ADCY4: variants seen among roughly 807,000 people sequenced by gnomAD.
ADCY4 encodes adenylate cyclase 4.
In ADCY4, 111 loss-of-function variants were observed where a neutral mutation model predicts 125.5. The observed-to-expected ratio is 0.88, with a 90% CI of 0.76 to 1.04. The LOEUF is 1.04. Among genes scored for constraint, ADCY4 ranks in the 50% least tolerant of loss-of-function variants. The probability of loss-of-function intolerance (pLI) is 0.00; values close to 1 mark genes in which losing one functional copy is unlikely to be tolerated. For missense variants in ADCY4, 1,256 were observed against 1,382.9 expected (o/e 0.91, Z 1.46); for synonymous variants, 576 against 586.9 (o/e 0.98, Z 0.27).
chr14:24,326,895 G>GGTTTTTTT (rs1319421096), intron 10 of ADCY4, among the ~76,000 whole-genome samples: 1 of 47,920 alleles, frequency 2.1e-5, no homozygotes, highest in East Asian at 9.5e-4. Flanking sequence ...TACCTGGCTG[G>GGTTTTTTT]ATTTTTTTTT....
In ADCY4 at chr14:24,331,293, C is replaced by T. The variant is rs755358819; in HGVS notation, c.733G>A (p.Ala245Thr). ...GACCCCTGTCCTGCCTGCAGCCGTGCCATGATCTCTGCCTTCATCTCTCGG... is the reference window on the plus strand; with the variant it reads ...GACCCCTGTCCTGCCTGCAGCCGTGTCATGATCTCTGCCTTCATCTCTCGG... ...LAREMKAEIMARLQAGQGSRP... is the reference protein window; with the variant it reads ...LAREMKAEIMTRLQAGQGSRP... The change falls in exon 5 of 25, where the codon GCA becomes ACA. Residue 245 changes from alanine (A) to threonine (T), a missense_variant. Transcript: ENST00000418030. 1.2e-6 allele frequency: 2 copies of T among 1,614,066 alleles called. No individual in the cohort carries two copies. Among genetic ancestry groups the T allele is most frequent in the Admixed American group, 1.7e-5 (1 of 60,016 alleles).
chr14:24,330,287 T>C lies in ADCY4; in HGVS notation c.939A>G (p.Glu313=). 6.2e-7 allele frequency: 1 copy of C among 1,614,102 alleles called. No individual in the cohort carries two copies. The highest frequency in any genetic ancestry group is 8.5e-7 in the Non-Finnish European group (1 of 1,180,010). Residue 313 remains glutamate (E), a synonymous_variant, in exon 7 of 25, where the codon GAA becomes GAG. Coordinates refer to ENST00000418030, the MANE Select transcript of ADCY4 (RefSeq NM_001198568.2). ...GKFDQIAKEH[E]CMRIKILGDC... is the part of the protein sequence containing the mutation. ...CCCCCAGGATCTTGATCCGCATGCA[T>C]TCATGCTCCTGGGAGTGTGTATGTG...
intron 4 of ADCY4, 67 bp from the exon 5 acceptor site, chr14:24,331,423 T>A (rs1365247422): frequency 1.5e-5 from 24 of 1,594,756 alleles, no homozygotes; most frequent in Non-Finnish European, 2.0e-5. Context: ...GTCCCCCAAA[T>A]CACTCAGGAG....
At chr14:24,330,055 C>A (rs2042017097) in intron 7 of ADCY4, 37 bp from the exon 8 acceptor site, 1 of 1,602,274 alleles carries the variant, frequency 6.2e-7, no homozygotes. Context: ...TGAGTCCTAC[C>A]CTCAGCCCTG....
At chr14:24,325,341 G>T in intron 14 of ADCY4, 36 bp downstream of exon 14, 1 of 1,579,844 alleles carries the variant, frequency 6.3e-7, no homozygotes, top group South Asian at 1.1e-5. Context: ...ATCCGCTTAT[G>T]ACAGCCAGGG....
At chr14:24,320,662 G>C (rs1339309798) in intron 20 of ADCY4, among the ~76,000 whole-genome samples, 1 of 152,160 alleles carries the variant, frequency 6.6e-6, no homozygotes, top group African/African-American at 2.4e-5. Context: ...ATATGTGGGT[G>C]AATTTCTGAT....
chr14:24,325,944 C>A (rs376918973), intron 12 of ADCY4, 57 bp from the exon 13 acceptor site: 17 of 1,579,792 alleles, frequency 1.1e-5, no homozygotes, highest in Non-Finnish European at 1.5e-5. Flanking sequence ...CACAGAAGGG[C>A]AGGAAGAGGG....
In ADCY4 at chr14:24,334,543, A is replaced by G. The variant is rs2042103091; in HGVS notation, c.110T>C (p.Val37Ala). The change falls in exon 1 of 25, where the codon GTG becomes GCG. Residue 37 changes from valine to alanine, a missense_variant. Coordinates refer to ENST00000418030, the MANE Select transcript of ADCY4 (RefSeq NM_001198568.2). ...GAGCAGCGCCGCGAGCGCACAGAGC[A>G]CGATCCCCAGCAGCAGCAGCAGCAG... Reference protein sequence around the residue: ...YPLLLLLLGIVLCALAALLAV... With the variant: ...YPLLLLLLGIALCALAALLAV... The G allele has an allele frequency of 1.9e-6, 3 of 1,584,700 alleles. No homozygotes were observed. Among genetic ancestry groups the G allele is most frequent in the Non-Finnish European group, 2.6e-6 (3 of 1,169,914 alleles).
chr14:24,322,373 A>G, intron 19 of ADCY4, 149 bp from the exon 20 acceptor site: 1 of 957,948 alleles, frequency 1.0e-6, no homozygotes, highest in Non-Finnish European at 1.5e-6. Flanking sequence ...ATACTTGGAG[A>G]GAGACTATCC....
Position 24,323,077 on chromosome 14 carries a change from G to A in ADCY4, c.2169C>T (p.His723=). 6.2e-7 allele frequency: 1 copy of A among 1,614,126 alleles called. No individual in the cohort carries two copies. Among genetic ancestry groups the A allele is most frequent in the Non-Finnish European group, 8.5e-7 (1 of 1,180,008 alleles). The part of the protein sequence containing the change: ...LPLISVPYSM[H]CCTLGFLSCS... ...AGGAGAGGAAGCCCAGCGTGCAGCA[G>A]TGCATGGAGTACTGTGGGGCCAGGC... The change falls in exon 18 of 25, where the codon CAC becomes CAT. Residue 723 remains histidine (H), a synonymous_variant. Coordinates refer to ENST00000418030, the MANE Select transcript of ADCY4 (RefSeq NM_001198568.2).
At chr14:24,322,772 C>T in intron 18 of ADCY4, 64 bp from the exon 19 acceptor site, 1 of 1,578,088 alleles carries the variant, frequency 6.3e-7, no homozygotes, top group Non-Finnish European at 8.6e-7. Flanking sequence ...TCCCTGCCCC[C>T]ATGTAGGCCT....
Position 24,322,117 on chromosome 14 carries a change from C to T in ADCY4, c.2535G>A (p.Val845=). ...ENLTRLLLEN[V]LPAHVAPQFI... The stretch of plus-strand genomic sequence containing the variant: ...ACTGGGGGGCCACGTGTGCAGGGAG[C>T]ACGTTCTCCAAGAGCAGCCGAGTCA... Residue 845 remains valine (V), a synonymous_variant, in exon 20 of 25, where the codon GTG becomes GTA. Transcript: ENST00000418030. 1.2e-6 allele frequency: 2 copies of T among 1,614,088 alleles called. No homozygotes were observed. Among genetic ancestry groups the T allele is most frequent in the Non-Finnish European group, 1.7e-6 (2 of 1,179,964 alleles).
At chr14:24,330,352 A>AGGGAGTT in intron 6 of ADCY4, 57 bp from the exon 7 acceptor site, 1 of 1,605,602 alleles carries the variant, frequency 6.2e-7, no homozygotes, top group Non-Finnish European at 8.5e-7. Context: ...GAAGGGTAGG[A>AGGGAGTT]GGGAGTTGGG....
intron 4 of ADCY4, 108 bp downstream of exon 4, chr14:24,331,680 G>T: frequency 2.9e-6 from 4 of 1,370,342 alleles, no homozygotes; most frequent in South Asian, 1.6e-5. Flanking sequence ...AGAGGAAACA[G>T]GTCAAGAAAC....
rs926724534 is a variant in ADCY4, at chr14:24,334,889, A to G, written c.-237T>C. On this transcript the variant is annotated 5_prime_UTR_variant, in exon 1 of 25. Transcript: ENST00000418030. ...TTTCCTCCTCCTCCCTCAAACCCGG[A>G]TTGTAGAGGTGCCCTAGAAAAGCCT... 5 of 498,490 alleles carry G rather than the reference A, an allele frequency of 1.0e-5. No homozygotes were observed. Among genetic ancestry groups the G allele is most frequent in the Non-Finnish European group, 1.8e-5 (5 of 284,404 alleles). 30.9% of individuals were successfully genotyped at this position (498,490 alleles called of 1,614,324 possible). A position where few individuals can be genotyped will look rare whatever the true frequency, so the allele number is the denominator to read the frequency against.
Position 24,319,327 on chromosome 14 carries a change from A to G in ADCY4, c.2841+2T>C, listed in dbSNP as rs1594646656. 6.2e-7 allele frequency: 1 copy of G among 1,614,102 alleles called. No individual in the cohort carries two copies. Among genetic ancestry groups the G allele is most frequent in the Non-Finnish European group, 8.5e-7 (1 of 1,179,990 alleles). ...ATGGTAGGTAAGGAAGGGTTGCCGT[A>G]CCTGTTGTGCATCCTGTCCAGAGGT... On this transcript the variant is annotated splice_donor_variant, in intron 22 of 24. Transcript: ENST00000418030. LOFTEE classifies it high-confidence loss of function. This position sits in a 1 kb window ranked among gnomAD's most constrained non-coding sequence, Gnocchi z 4.5.
chr14:24,326,926 C>T lies in ADCY4; in HGVS notation c.1525-584G>A, dbSNP rs866610429. 5.5e-3 allele frequency among the ~76,000 whole-genome samples: 573 copies of T among 103,704 alleles called. 5 individuals carry two copies. The highest frequency in any genetic ancestry group is 0.021 in the African/African-American group (527 of 24,934). The allele number at this position is 103,704 out of a possible 152,430, so 68.0% of individuals were successfully genotyped here. ...TTTTTTTTTTTTTGCAACGGAGTTTCGCTCTTGTTGCCCAGGCTGGAGTGC... is the reference window on the plus strand; with the variant it reads ...TTTTTTTTTTTTTGCAACGGAGTTTTGCTCTTGTTGCCCAGGCTGGAGTGC... On this transcript the variant is annotated intron_variant, in intron 10 of 24. Coordinates refer to ENST00000418030, the MANE Select transcript of ADCY4 (RefSeq NM_001198568.2).
At position 24,322,059 on chromosome 14, in the gene ADCY4, G is replaced by C. The variant is rs768585448; in HGVS notation, c.2586+7C>G. 6.2e-7 allele frequency: 1 copy of C among 1,609,416 alleles called. No individual in the cohort carries two copies. Among genetic ancestry groups the C allele is most frequent in the South Asian group, 1.1e-5 (1 of 90,774 alleles). On this transcript the variant is annotated splice_region_variant and intron_variant, in intron 20 of 24. Coordinates refer to ENST00000418030, the MANE Select transcript of ADCY4 (RefSeq NM_001198568.2). ...CGTGGCTCAGGAGTCAGGGGGTCAG[G>C]AGTCACCTCGTTGCGCCGGTTCTGG... is the stretch of plus-strand genomic sequence containing the variant.
chr14:24,329,266 A>C, intron 9 of ADCY4, 32 bp from the exon 10 acceptor site: 3 of 1,607,872 alleles, frequency 1.9e-6, no homozygotes, highest in Non-Finnish European at 1.7e-6. Flanking sequence ...AGTAAAGACC[A>C]CAGACACTTC....
Sources: allele counts gnomAD v4.1 joint callset (sites outside exome capture counted in the v4.1 genomes callset), GRCh38; gene constraint gnomAD v4.1.1; non-coding constraint Gnocchi (gnomAD v3.1); transcripts MANE v1.5; gene names NCBI Gene and HGNC (gene_info 2026-07-23, HGNC 2026-07-21).